ULK4: variants seen among roughly 807,000 people sequenced by gnomAD.
The protein encoded by ULK4 is inactive serine/threonine-protein kinase ULK4.
ULK4 carries 133 observed loss-of-function variants against 160.6 expected under a neutral mutation model. The ratio of observed to expected loss-of-function variants is 0.83; its 90% CI spans 0.72 to 0.96. The LOEUF is 0.96. Among genes scored for constraint, ULK4 ranks in the 40% least tolerant of loss-of-function variants. The pLI, the probability that ULK4 is intolerant of heterozygous loss-of-function variation, is 0.00. For missense variants in ULK4, 1,580 were observed against 1,499.5 expected (o/e 1.05, Z -0.89); for synonymous variants, 534 against 539.8 (o/e 0.99, Z 0.15).
At chr3:41,598,594 T>G (rs1050520841) in intron 31 of ULK4, among the ~76,000 whole-genome samples, 1 of 152,112 alleles carries the variant, frequency 6.6e-6, no homozygotes, top group Non-Finnish European at 1.5e-5. Flanking sequence ...ATATCATAAA[T>G]TCTAATCTAA....
intron 34 of ULK4, among the ~76,000 whole-genome samples, chr3:41,452,172 T>A (rs868551932): frequency 6.6e-6 from 1 of 152,140 alleles, no homozygotes; most frequent in South Asian, 2.1e-4. Context: ...TGCTCCAAGT[T>A]CCTGGTTATC....
intron 21 of ULK4, among the ~76,000 whole-genome samples, chr3:41,784,471 T>C (rs1403997671): frequency 6.6e-6 from 1 of 152,108 alleles, no homozygotes; most frequent in Non-Finnish European, 1.5e-5. Flanking sequence ...GGGGGAAAAA[T>C]GGAAAAAGGT....
At chr3:41,947,056 A>G (rs1043163310) in intron 2 of ULK4, among the ~76,000 whole-genome samples, 3 of 152,212 alleles carry the variant, frequency 2.0e-5, no homozygotes, top group Non-Finnish European at 4.4e-5. Flanking sequence ...GGCTGGGCGC[A>G]GTGGCTCATG....
chr3:41,612,838 A>G (rs2125679107), intron 31 of ULK4, among the ~76,000 whole-genome samples: 1 of 152,336 alleles, frequency 6.6e-6, no homozygotes, highest in Non-Finnish European at 1.5e-5. Context: ...AATGGAAGAC[A>G]TCTAGGAGAG....
intron 30 of ULK4, among the ~76,000 whole-genome samples, chr3:41,644,630 T>A (rs1245468908): frequency 6.6e-6 from 1 of 152,164 alleles, no homozygotes; most frequent in Admixed American, 6.5e-5. Flanking sequence ...TCAGTGTTCA[T>A]CAGGGATATT....
chr3:41,641,043 A>G (rs763197246), intron 30 of ULK4, among the ~76,000 whole-genome samples: 1 of 152,178 alleles, frequency 6.6e-6, no homozygotes, highest in Non-Finnish European at 1.5e-5. Context: ...CACTGCAGTT[A>G]TAAGATGCAT....
chr3:41,719,652 CA>C (rs1326557798), intron 22 of ULK4, among the ~76,000 whole-genome samples: 4 of 152,148 alleles, frequency 2.6e-5, no homozygotes, highest in Non-Finnish European at 5.9e-5. Context: ...CACTCCAAAC[CA>C]ATAGCAAGCT....
chr3:41,531,507 G>GAAAAGA (rs1248704847), intron 32 of ULK4, among the ~76,000 whole-genome samples: 1 of 125,942 alleles, frequency 7.9e-6, no homozygotes, highest in African/African-American at 3.2e-5. Context: ...AGAAGAAAAA[G>GAAAAGA]AAAAGAAAAA....
At chr3:41,702,957 G>A (rs1419706449) in intron 27 of ULK4, among the ~76,000 whole-genome samples, 2 of 150,336 alleles carry the variant, frequency 1.3e-5, no homozygotes, top group South Asian at 2.1e-4. Flanking sequence ...AGGTTCAAGC[G>A]ACTCTCCTGC....
intron 12 of ULK4, among the ~76,000 whole-genome samples, chr3:41,901,241 G>A (rs1329439776): frequency 6.9e-6 from 1 of 145,236 alleles, no homozygotes; most frequent in African/African-American, 2.6e-5. Context: ...GTACAGTAGC[G>A]TGATCTCGGC....
At chr3:41,327,895 T>A (rs1206777502) in intron 35 of ULK4, among the ~76,000 whole-genome samples, 1 of 152,226 alleles carries the variant, frequency 6.6e-6, no homozygotes, top group Non-Finnish European at 1.5e-5. Context: ...ATTTATTTTC[T>A]TGCGGAACAG....
intron 31 of ULK4, among the ~76,000 whole-genome samples, chr3:41,594,313 G>A (rs943575542): frequency 1.4e-4 from 21 of 151,972 alleles, no homozygotes; most frequent in Non-Finnish European, 2.5e-4. Flanking sequence ...AAGATGGGAC[G>A]ATTACTTGAG....
At chr3:41,597,973 T>C (rs2031804121) in intron 31 of ULK4, among the ~76,000 whole-genome samples, 1 of 152,170 alleles carries the variant, frequency 6.6e-6, no homozygotes, top group Admixed American at 6.5e-5. Context: ...CAAAAATAAC[T>C]TTCTGAAAAA....
intron 31 of ULK4, among the ~76,000 whole-genome samples, chr3:41,570,582 T>C (rs905929242): frequency 5.9e-5 from 9 of 152,212 alleles, no homozygotes; most frequent in Admixed American, 2.6e-4. Context: ...TGTCAGCAAA[T>C]ATAGGTCAGT....
rs74973786 is a variant in ULK4 at position 41,438,537 on chromosome 3, C to G, written c.3492+16960G>C. The stretch of plus-strand genomic sequence containing the variant: ...GGGTCAGGAATGGAACAAACATACA[C>G]AGCAGCTTGAAGTTCAAACACAGTC... On this transcript the variant is annotated intron_variant, in intron 34 of 36. Transcript: ENST00000301831. 9.6e-3 allele frequency among the ~76,000 whole-genome samples: 1,459 copies of G among 152,266 alleles called. 12 individuals are homozygous for G. Among genetic ancestry groups the G allele is most frequent in the Non-Finnish European group, 0.015 (1,017 of 68,022 alleles).
chr3:41,569,366 T>A (rs143322440), intron 31 of ULK4, among the ~76,000 whole-genome samples: 3 of 152,122 alleles, frequency 2.0e-5, no homozygotes, highest in African/African-American at 7.2e-5. Context: ...CCCTAGGGGA[T>A]GCCAGCCATC....
intron 27 of ULK4, among the ~76,000 whole-genome samples, chr3:41,696,638 G>A (rs566074572): frequency 5.9e-5 from 9 of 151,742 alleles, no homozygotes; most frequent in Non-Finnish European, 1.0e-4. Context: ...TCCACACACG[G>A]CAAGAAAAAC....
intron 32 of ULK4, among the ~76,000 whole-genome samples, chr3:41,551,252 A>T (rs1416728190): frequency 6.6e-6 from 1 of 151,880 alleles, no homozygotes; most frequent in African/African-American, 2.4e-5. Flanking sequence ...CCAAAACCAA[A>T]ATTAGTAGCA....
chr3:41,641,933 T>C (rs143753499), intron 30 of ULK4, among the ~76,000 whole-genome samples: 2,082 of 150,440 alleles, frequency 0.014, 122 homozygotes, highest in Admixed American at 0.11. Context: ...TGGAGTGCAA[T>C]GGCGTGATCT....
Sources: allele counts gnomAD v4.1 joint callset (sites outside exome capture counted in the v4.1 genomes callset), GRCh38; gene constraint gnomAD v4.1.1; transcripts MANE v1.5; gene names NCBI Gene and HGNC (gene_info 2026-07-23, HGNC 2026-07-21).